The following MYO10 variants were observed in gnomAD, a reference collection of about 807,000 sequenced individuals.
The protein encoded by MYO10 is myosin X.
Under a neutral mutation model 257.3 loss-of-function variants are expected in MYO10, and 133 were observed. The observed-to-expected ratio is 0.52, with a 90% CI of 0.45 to 0.60. MYO10 has a LOEUF of 0.60. Ranked by LOEUF, MYO10 falls within the 20% of genes least tolerant of loss-of-function variation. The pLI is 0.00. For synonymous variants in MYO10, 1,104 were observed against 1,028.6 expected, an observed-to-expected ratio of 1.07 and a Z score of -1.40; for missense variants, 2,399 against 2,635.7, an observed-to-expected ratio of 0.91 and a Z score of 1.97.
At chr5:16,742,546 A>C (rs1740051917) in intron 19 of MYO10, among the ~76,000 whole-genome samples, 1 of 152,140 alleles carries the variant, frequency 6.6e-6, no homozygotes, top group East Asian at 1.9e-4. Flanking sequence ...AAGGGCCCGC[A>C]TGGTGGCTCA....
rs753136237 is a variant in MYO10, at chr5:16,762,546, G to A, written c.1586C>T (p.Ala529Val). ...GAAGAATTGCAGGTTTTGACATACCGCATGCTGACTGTGTAGCTTCTCCAA... is the reference window on the plus strand; with the variant it reads ...GAAGAATTGCAGGTTTTGACATACCACATGCTGACTGTGTAGCTTCTCCAA... ...TLLEKLHSQH[A>V]NNHFYVKPRV... is the part of the protein sequence containing the mutation. The change falls in exon 15 of 41, where the codon GCG becomes GTG. Residue 529 changes from alanine (A) to valine (V), a missense_variant and splice_region_variant. Physicochemically the swap from Ala to Val is moderately conservative, Grantham distance 64. Coordinates refer to ENST00000513610, the MANE Select transcript of MYO10 (RefSeq NM_012334.3). The A allele has an allele frequency of 2.0e-5, 32 of 1,600,574 alleles. No homozygotes were observed. The highest frequency in any genetic ancestry group is 4.5e-5 in the East Asian group (2 of 44,684).
intron 19 of MYO10, among the ~76,000 whole-genome samples, chr5:16,723,728 G>T (rs193924): frequency 2.0e-5 from 3 of 152,014 alleles, no homozygotes; most frequent in African/African-American, 2.4e-5. Context: ...TCCTTCAACA[G>T]GTGAATGGAC....
intron 2 of MYO10, among the ~76,000 whole-genome samples, chr5:16,862,714 T>C: frequency 6.6e-6 from 1 of 152,206 alleles, no homozygotes; most frequent in Non-Finnish European, 1.5e-5. Context: ...TAGCGGATTA[T>C]TTTCAGTATT....
Position 16,722,265 on chromosome 5 carries a change from C to T in MYO10, c.1930-11020G>A, listed in dbSNP as rs1739180774. ...TGGTCACACTCTTTTTCATCTTAAGCATGTCCATGTGAACTCCCCATTAAA... is the reference window on the plus strand; with the variant it reads ...TGGTCACACTCTTTTTCATCTTAAGTATGTCCATGTGAACTCCCCATTAAA... On this transcript the variant is annotated intron_variant, in intron 19 of 40. Coordinates refer to ENST00000513610, the MANE Select transcript of MYO10 (RefSeq NM_012334.3). Among the ~76,000 whole-genome samples, 4 of 152,346 alleles carry T rather than the reference C, an allele frequency of 2.6e-5. No individual in the cohort carries two copies. In the South Asian group the frequency reaches 8.3e-4, roughly 32 times the overall value.
chr5:16,817,815 A>G (rs1742669311), intron 3 of MYO10, among the ~76,000 whole-genome samples, 194 bp downstream of exon 3: 1 of 152,182 alleles, frequency 6.6e-6, no homozygotes, highest in South Asian at 2.1e-4. Flanking sequence ...AATCCCCACT[A>G]ATAAAACCTA....
At chr5:16,880,674 C>T (rs1448535390) in intron 1 of MYO10, among the ~76,000 whole-genome samples, 1 of 152,182 alleles carries the variant, frequency 6.6e-6, no homozygotes. Flanking sequence ...GGGCCAGTAC[C>T]TATTTGCACA....
chr5:16,866,066 T>C lies in MYO10; in HGVS notation c.120+11543A>G, dbSNP rs184894794. ...ACACACACACACACACACAAAACAA[T>C]AGAGGAAAACCCAAGCTCTAGTCCA... On this transcript the variant is annotated intron_variant, in intron 2 of 40. Coordinates refer to ENST00000513610, the MANE Select transcript of MYO10 (RefSeq NM_012334.3). Among the ~76,000 whole-genome samples the C allele has an allele frequency of 5.9e-3, 772 of 131,954 alleles. 10 individuals carry two copies. The highest frequency in any genetic ancestry group is 0.025 in the African/African-American group (726 of 28,652). 86.6% of individuals were successfully genotyped at this position (131,954 alleles called of 152,430 possible).
Position 16,818,362 on chromosome 5 carries a change from ATGTG to A in MYO10, c.121-199_121-196del, listed in dbSNP as rs35397872. On this transcript the variant is annotated intron_variant, in intron 2 of 40. Coordinates refer to ENST00000513610, the MANE Select transcript of MYO10 (RefSeq NM_012334.3). ...TCTCTCTCTCTCTGTGTGTGTATGT[ATGTG>A]TGTGTGTGTGTGTGCGTGTGTGTGT... Among the ~76,000 whole-genome samples the A allele has an allele frequency of 4.7e-3, 638 of 136,724 alleles. 10 individuals carry two copies. The highest frequency in any genetic ancestry group is 0.016 in the African/African-American group (546 of 34,700). The allele number at this position is 136,724 out of a possible 152,430, so 89.7% of individuals were successfully genotyped here.
At chr5:16,893,559 G>A (rs1323426727) in intron 1 of MYO10, among the ~76,000 whole-genome samples, 1 of 150,740 alleles carries the variant, frequency 6.6e-6, no homozygotes, top group Admixed American at 6.6e-5. Context: ...GCTTGAACTC[G>A]GGAGGCAGAG....
In MYO10 at chr5:16,908,299, G is replaced by T. The variant is rs1286880798; in HGVS notation, c.21+27489C>A. 2.0e-5 allele frequency among the ~76,000 whole-genome samples: 3 copies of T among 151,342 alleles called. No homozygotes were observed. In the East Asian group the frequency reaches 5.9e-4, roughly 30 times the overall value. On this transcript the variant is annotated intron_variant, in intron 1 of 40. Transcript: ENST00000513610. ...TCCCAGCACTTTGGGAGGCCGAGGTGGATGGATCACTTGAGGTCAGGAGTT... is the reference window on the plus strand; with the variant it reads ...TCCCAGCACTTTGGGAGGCCGAGGTTGATGGATCACTTGAGGTCAGGAGTT...
chr5:16,883,462 A>G (rs945735870), intron 1 of MYO10, among the ~76,000 whole-genome samples: 2 of 152,202 alleles, frequency 1.3e-5, no homozygotes, highest in African/African-American at 4.8e-5. Context: ...GACTTGCCCA[A>G]GCTAATCTAA....
chr5:16,785,363 G>A (rs891366155), intron 4 of MYO10, among the ~76,000 whole-genome samples: 1 of 152,206 alleles, frequency 6.6e-6, no homozygotes, highest in African/African-American at 2.4e-5. Flanking sequence ...AAGAGAGACA[G>A]TTTCAAGGAA....
chr5:16,813,631 A>G (rs1742510031), intron 3 of MYO10, among the ~76,000 whole-genome samples: 1 of 151,896 alleles, frequency 6.6e-6, no homozygotes, highest in African/African-American at 2.4e-5. Context: ...CCGCAAAGAC[A>G]TCCATCCACA....
intron 19 of MYO10, among the ~76,000 whole-genome samples, chr5:16,747,832 T>A (rs1243197479): frequency 2.2e-5 from 3 of 139,066 alleles, no homozygotes; most frequent in Non-Finnish European, 3.0e-5. Flanking sequence ...GGCAGGAGAA[T>A]CACTTGAACC....
chr5:16,922,266 C>G (rs1746008174), intron 1 of MYO10, among the ~76,000 whole-genome samples: 1 of 151,666 alleles, frequency 6.6e-6, no homozygotes, highest in Non-Finnish European at 1.5e-5. Context: ...GAAAAAAGGG[C>G]ACATGGGCCC....
chr5:16,932,603 C>T (rs967791708), intron 1 of MYO10, among the ~76,000 whole-genome samples: 2 of 152,038 alleles, frequency 1.3e-5, no homozygotes, highest in African/African-American at 2.4e-5. Flanking sequence ...TCGAGGGGAG[C>T]CATAAAATTC....
At position 16,674,950 on chromosome 5, in the gene MYO10, C is replaced by A; in HGVS notation, c.4867G>T (p.Val1623Leu). The A allele has an allele frequency of 3.1e-6, 5 of 1,614,030 alleles. No homozygotes were observed. Among genetic ancestry groups the A allele is most frequent in the Non-Finnish European group, 4.2e-6 (5 of 1,179,896 alleles). The change falls in exon 35 of 41, where the codon GTG (valine) becomes TTG (leucine). Residue 1623 changes from valine to leucine, a missense_variant. By Grantham distance (32) the Val-to-Leu change is conservative. Coordinates refer to ENST00000513610, the MANE Select transcript of MYO10 (RefSeq NM_012334.3). ...ATCTGCCAGCTGTACAGGTTGCCCA[C>A]ACTGCCGGGGTGGGGCACTTTGTTG... ...QTNKVPHPGSVGNLYSWQILT... is the reference protein window; with the variant it reads ...QTNKVPHPGSLGNLYSWQILT...
intron 27 of MYO10, among the ~76,000 whole-genome samples, chr5:16,691,777 C>T (rs1233084202): frequency 6.6e-6 from 1 of 151,620 alleles, no homozygotes; most frequent in Non-Finnish European, 1.5e-5. Context: ...GCCTTCTTAA[C>T]AGAAATCAAT....
Position 16,701,963 on chromosome 5 carries a change from G to T in MYO10, c.2557-125C>A. 1 of 1,138,388 alleles carries T rather than the reference G, an allele frequency of 8.8e-7. No homozygotes were observed. The highest frequency in any genetic ancestry group is 1.7e-5 in the South Asian group (1 of 60,564). The allele number at this position is 1,138,388 out of a possible 1,614,324, so 70.5% of individuals were successfully genotyped here. On this transcript the variant is annotated intron_variant, in intron 24 of 40. Coordinates refer to ENST00000513610, the MANE Select transcript of MYO10 (RefSeq NM_012334.3). The surrounding 1 kb of genome is among the most constrained non-coding windows in gnomAD (Gnocchi z 8.1). ...GGACTGTGTCCCCATAAAGTCTATA[G>T]GTTGAAGTCCTAACCCCAATACTGC...
Sources: allele counts gnomAD v4.1 joint callset (sites outside exome capture counted in the v4.1 genomes callset), GRCh38; gene constraint gnomAD v4.1.1; non-coding constraint Gnocchi (gnomAD v3.1); transcripts MANE v1.5; gene names NCBI Gene and HGNC (gene_info 2026-07-23, HGNC 2026-07-21).